Variants in PLA2G6 observed in about 807,000 individuals in gnomAD.
The protein encoded by PLA2G6 is phospholipase A2 group VI, also known as 85/88 kDa calcium-independent phospholipase A2.
In PLA2G6, 62 loss-of-function variants were observed where a neutral mutation model predicts 83.8. The ratio of observed to expected loss-of-function variants is 0.74; its 90% CI spans 0.60 to 0.91. The LOEUF is 0.91. Ranked by LOEUF, PLA2G6 falls within the 40% of genes least tolerant of loss-of-function variation. PLA2G6 has a pLI of 0.00. For synonymous variants in PLA2G6, 417 were observed against 449.8 expected, an observed-to-expected ratio of 0.93 and a Z score of 0.92; for missense variants, 944 against 1,102.0, an observed-to-expected ratio of 0.86 and a Z score of 2.03.
chr22:38,115,913 C>T, intron 13 of PLA2G6, 162 bp downstream of exon 13: 1 of 1,461,670 alleles, frequency 6.8e-7, no homozygotes, highest in Non-Finnish European at 9.2e-7. Flanking sequence ...AGGGGCCTGA[C>T]AGCTCCCCCG....
chr22:38,142,273 G>C (rs2088963235), intron 4 of PLA2G6: 2 of 149,940 alleles, frequency 1.3e-5, no homozygotes, highest in South Asian at 4.2e-4. Flanking sequence ...CCAAGGCAGA[G>C]AGAACATGAT....
At chr22:38,169,606 C>A (rs1428515813) in intron 1 of PLA2G6, 135 bp from the exon 2 acceptor site, 8 of 642,718 alleles carry the variant, frequency 1.2e-5, no homozygotes, top group Non-Finnish European at 2.2e-5. Flanking sequence ...CTGGAGGGAT[C>A]TTAAAAGGAG....
At chr22:38,177,776 T>C (rs774547870) in intron 1 of PLA2G6, among the ~76,000 whole-genome samples, 16 of 152,046 alleles carry the variant, frequency 1.1e-4, no homozygotes, top group Non-Finnish European at 2.1e-4. Flanking sequence ...ATTGCCACAT[T>C]TAACCCTCCA....
At chr22:38,127,145 C>T in intron 9 of PLA2G6, 1 of 1,139,134 alleles carries the variant, frequency 8.8e-7, no homozygotes, top group South Asian at 1.9e-5. Context: ...GACCCCAACT[C>T]TGACAGCCCC....
At chr22:38,168,504 C>T (rs2090308703) in intron 2 of PLA2G6, among the ~76,000 whole-genome samples, 1 of 152,216 alleles carries the variant, frequency 6.6e-6, no homozygotes. Context: ...CTCTGTCCAG[C>T]CTTCCTAAGC....
intron 2 of PLA2G6, chr22:38,149,234 T>C (rs2089440272): frequency 6.6e-6 from 1 of 152,160 alleles, no homozygotes; most frequent in Non-Finnish European, 1.5e-5. Context: ...TCACCAGGCA[T>C]ATGTGGAGAT....
rs909794195 is a variant in PLA2G6, at chr22:38,112,063, C to T, written c.*98G>A. On this transcript the variant is annotated 3_prime_UTR_variant, in exon 17 of 17. Coordinates refer to ENST00000332509, the MANE Select transcript of PLA2G6 (RefSeq NM_003560.4). ...GGCCTGGTCTATGGACTCAGAGGTG[C>T]CTGGGCCCAGATCTGCCCGGGAGGG... 12 of 1,407,708 alleles carry T rather than the reference C, an allele frequency of 8.5e-6. No homozygotes were observed. The South Asian group carries it at 1.2e-4, about 14-fold the overall frequency. The allele number at this position is 1,407,708 out of a possible 1,614,324, so 87.2% of individuals were successfully genotyped here.
chr22:38,174,295 G>A lies in PLA2G6; in HGVS notation c.-45-4824C>T, dbSNP rs1415303411. Reference sequence around the variant, plus strand: ...TGCCTGTAGTCCCAGCTATTCGGGAGGCTGAGGCAGGAGAATGGCGTGAAC... The same window carrying A: ...TGCCTGTAGTCCCAGCTATTCGGGAAGCTGAGGCAGGAGAATGGCGTGAAC... On this transcript the variant is annotated intron_variant, in intron 1 of 16. Transcript: ENST00000332509. Among the ~76,000 whole-genome samples the A allele has an allele frequency of 2.0e-5, 3 of 152,284 alleles. No homozygotes were observed. In the East Asian group the frequency reaches 5.8e-4, roughly 29 times the overall value.
chr22:38,151,146 A>C lies in PLA2G6; in HGVS notation c.210-5493T>G, dbSNP rs989868250. On this transcript the variant is annotated intron_variant, in intron 2 of 16. Transcript: ENST00000332509. ...TGAAAACAAAAACAAAACCTTCAAG[A>C]ATAAGGTTAAAATTAAAACATTTCT... Among the ~76,000 whole-genome samples the C allele has an allele frequency of 1.4e-4, 22 of 152,204 alleles. 1 individual carries two copies. Among genetic ancestry groups the C allele is most frequent in the Admixed American group, 1.3e-3 (20 of 15,276 alleles).
intron 1 of PLA2G6, among the ~76,000 whole-genome samples, chr22:38,179,197 G>A (rs2090751475): frequency 6.6e-6 from 1 of 152,204 alleles, no homozygotes; most frequent in Non-Finnish European, 1.5e-5. Flanking sequence ...CATGTTTAGC[G>A]AGTTCCAGGA....
In PLA2G6 at chr22:38,143,308, T is replaced by G; in HGVS notation, c.426-20A>C. The G allele has an allele frequency of 1.2e-6, 2 of 1,605,524 alleles. No homozygotes were observed. On this transcript the variant is annotated intron_variant, in intron 3 of 16. Transcript: ENST00000332509. The stretch of plus-strand genomic sequence containing the variant: ...GCACAGCTGCAGGAGAGGGCCAGGG[T>G]GAGCAGAGGTGAGCAGGTGTGGTAC...
chr22:38,126,949 G>T, intron 9 of PLA2G6: 1 of 1,009,462 alleles, frequency 9.9e-7, no homozygotes, highest in Non-Finnish European at 1.2e-6. Flanking sequence ...GTCCATGGAT[G>T]AAAGGAGACA....
intron 11 of PLA2G6, 131 bp downstream of exon 11, chr22:38,122,964 G>C (rs1602095856): frequency 1.4e-6 from 1 of 721,580 alleles, no homozygotes; most frequent in South Asian, 2.0e-5. Flanking sequence ...CCCCGCCCCT[G>C]CCTCCTCAAA....
intron 14 of PLA2G6, among the ~76,000 whole-genome samples, chr22:38,115,289 C>T (rs574331579): frequency 6.6e-6 from 1 of 152,314 alleles, no homozygotes; most frequent in African/African-American, 2.4e-5. Flanking sequence ...TGCCGCCCTC[C>T]CCACTCATGC....
chr22:38,127,318 C>T (rs938799371), intron 9 of PLA2G6: 27 of 1,288,550 alleles, frequency 2.1e-5, no homozygotes, highest in South Asian at 1.1e-4. Flanking sequence ...GTGGTGTGTG[C>T]GCAGCTAAGA....
intron 3 of PLA2G6, chr22:38,143,899 C>A (rs980600429): frequency 1.7e-5 from 3 of 180,544 alleles, no homozygotes; most frequent in African/African-American, 2.4e-5. Context: ...TGCGCCACCA[C>A]GCCTTGCTAA....
In PLA2G6 at chr22:38,144,365, C is replaced by T. The variant is rs185935892; in HGVS notation, c.425+1073G>A. 133 of 152,620 alleles carry T rather than the reference C, an allele frequency of 8.7e-4. 6 individuals are homozygous for T. The East Asian group carries it at 0.025, about 29-fold the overall frequency. 9.5% of individuals were successfully genotyped at this position (152,620 alleles called of 1,614,324 possible). A position where few individuals can be genotyped will look rare whatever the true frequency, so the allele number is the denominator to read the frequency against. On this transcript the variant is annotated intron_variant, in intron 3 of 16. Coordinates refer to ENST00000332509, the MANE Select transcript of PLA2G6 (RefSeq NM_003560.4). ...GATACCTGGGCCGGGCATGGTGGCT[C>T]ACGCCTGTAATCCCGGCACTTTGGG...
chr22:38,176,645 G>C (rs1273642782), intron 1 of PLA2G6, among the ~76,000 whole-genome samples: 1 of 152,174 alleles, frequency 6.6e-6, no homozygotes, highest in African/African-American at 2.4e-5. Context: ...ACGGGAGCAT[G>C]CCACCACACA....
chr22:38,154,059 G>C (rs2089681775), intron 2 of PLA2G6, among the ~76,000 whole-genome samples: 1 of 152,244 alleles, frequency 6.6e-6, no homozygotes, highest in Admixed American at 6.5e-5. Context: ...TATGGCTTGG[G>C]TATCAGCCAG....
Sources: gnomAD v4.1 joint callset for allele counts (sites outside exome capture counted in the v4.1 genomes callset) on GRCh38, gnomAD v4.1.1 for gene constraint, MANE v1.5 for transcripts, NCBI Gene and HGNC (gene_info 2026-07-23, HGNC 2026-07-21) for gene names.